The following CCDC73 variants were observed in gnomAD, a reference collection of about 807,000 sequenced individuals.
CCDC73 encodes coiled-coil domain-containing protein 73.
A neutral mutation model predicts 116.5 loss-of-function variants in CCDC73; 95 were observed. That is an observed-to-expected ratio of 0.82 (90% CI 0.69 to 0.97). The LOEUF is 0.97. Ranked by LOEUF, CCDC73 falls within the 50% of genes least tolerant of loss-of-function variation. The probability of loss-of-function intolerance (pLI) is 0.00; values close to 1 mark genes in which losing one functional copy is unlikely to be tolerated. For synonymous variants in CCDC73, 398 were observed against 401.3 expected, an observed-to-expected ratio of 0.99 and a Z score of 0.10; for missense variants, 1,066 against 1,206.8, an observed-to-expected ratio of 0.88 and a Z score of 1.73.
chr11:32,741,125 G>A (rs1269854075), intron 2 of CCDC73, among the ~76,000 whole-genome samples: 1 of 152,094 alleles, frequency 6.6e-6, no homozygotes, highest in Admixed American at 6.6e-5. Flanking sequence ...CATGTGCTGA[G>A]GAGAATAATT....
At chr11:32,747,896 G>T (rs35020878) in intron 2 of CCDC73, among the ~76,000 whole-genome samples, 1 of 152,134 alleles carries the variant, frequency 6.6e-6, no homozygotes, top group Non-Finnish European at 1.5e-5. Flanking sequence ...GACCTCTTGC[G>T]CTTCCTGGGT....
intron 6 of CCDC73, among the ~76,000 whole-genome samples, chr11:32,694,462 G>T (rs1186285702): frequency 1.3e-5 from 2 of 152,030 alleles, no homozygotes; most frequent in Admixed American, 1.3e-4. Context: ...CCTTCCTGGG[G>T]GAGGAATAGC....
Position 32,683,732 on chromosome 11 carries a change from A to G in CCDC73, c.391-158T>C, listed in dbSNP as rs535165791. On this transcript the variant is annotated intron_variant, in intron 6 of 17. Transcript: ENST00000335185. ...ATTTATGGCACCTACTATATGCTAG[A>G]TACTTTCCTAGACTCCTGGAATATA... Among the ~76,000 whole-genome samples, 5 of 152,308 alleles carry G rather than the reference A, an allele frequency of 3.3e-5. No individual in the cohort carries two copies. The South Asian group carries it at 1.0e-3, about 32-fold the overall frequency.
intron 14 of CCDC73, among the ~76,000 whole-genome samples, chr11:32,625,664 G>A (rs1855564781): frequency 6.6e-6 from 1 of 152,156 alleles, no homozygotes; most frequent in Non-Finnish European, 1.5e-5. Context: ...GGGATGCAAG[G>A]CTGGTTCAAC....
At chr11:32,790,967 A>AT (rs1041069412) in intron 1 of CCDC73, among the ~76,000 whole-genome samples, 16 of 152,126 alleles carry the variant, frequency 1.1e-4, no homozygotes, top group Non-Finnish European at 1.8e-4. Flanking sequence ...CTAAACTCCA[A>AT]TTTTTTTCAA....
intron 3 of CCDC73, among the ~76,000 whole-genome samples, chr11:32,716,219 G>T (rs962433906): frequency 6.6e-6 from 1 of 152,084 alleles, no homozygotes; most frequent in African/African-American, 2.4e-5. Context: ...CTAAAAGTTG[G>T]TAAAGGTAGG....
rs1486521073 is a variant in CCDC73, at chr11:32,614,182, A to G, written c.2136T>C (p.Tyr712=). ...CDIVIDHHVS[Y]AAFSANSKLL... is the part of the protein sequence containing the mutation. The stretch of plus-strand genomic sequence containing the variant: ...GTTTTGAATTAGCACTAAAAGCAGC[A>G]TATGAAACATGGTGGTCGATTACTA... The change falls in exon 16 of 18, where the codon TAT becomes TAC. Residue 712 remains tyrosine, a synonymous_variant. Coordinates refer to ENST00000335185, the MANE Select transcript of CCDC73 (RefSeq NM_001008391.4). 2.5e-6 allele frequency: 4 copies of G among 1,613,972 alleles called. No homozygotes were observed. The South Asian group carries it at 4.4e-5, about 18-fold the overall frequency.
chr11:32,740,140 TTTTC>T (rs143283621), intron 2 of CCDC73, among the ~76,000 whole-genome samples: 44,652 of 151,660 alleles, frequency 0.29, 6,695 homozygotes, highest in South Asian at 0.35. Flanking sequence ...GTAGTTTTCT[TTTTC>T]TTTCTTTTTT....
At chr11:32,709,132 A>G (rs2133323353) in intron 3 of CCDC73, among the ~76,000 whole-genome samples, 1 of 152,266 alleles carries the variant, frequency 6.6e-6, no homozygotes, top group African/African-American at 2.4e-5. Flanking sequence ...GATTTTGCCA[A>G]ATACTTTTTC....
At chr11:32,773,589 G>A (rs747485651) in intron 1 of CCDC73, among the ~76,000 whole-genome samples, 3 of 151,934 alleles carry the variant, frequency 2.0e-5, no homozygotes, top group Non-Finnish European at 4.4e-5. Flanking sequence ...AGACAAGCCT[G>A]GGAAATACAG....
rs542343182 is a variant in CCDC73, at chr11:32,753,590, G to A, written c.135+6519C>T. Among the ~76,000 whole-genome samples, 7 of 151,950 alleles carry A rather than the reference G, an allele frequency of 4.6e-5. No homozygotes were observed. In the South Asian group the frequency reaches 6.2e-4, roughly 14 times the overall value. On this transcript the variant is annotated intron_variant, in intron 2 of 17. Transcript: ENST00000335185. Reference sequence around the variant, plus strand: ...AGTGATTCTTCTGCCTCAGCCTCCCGAGTAGCTGGGATTACAAGCACCCAT... The same window carrying A: ...AGTGATTCTTCTGCCTCAGCCTCCCAAGTAGCTGGGATTACAAGCACCCAT...
intron 9 of CCDC73, among the ~76,000 whole-genome samples, chr11:32,655,472 G>A (rs1295976877): frequency 6.6e-6 from 1 of 152,176 alleles, no homozygotes; most frequent in Non-Finnish European, 1.5e-5. Flanking sequence ...AATTTGCAAA[G>A]AAGACAACAA....
intron 13 of CCDC73, among the ~76,000 whole-genome samples, chr11:32,637,694 G>A (rs1158934476): frequency 1.3e-5 from 2 of 151,698 alleles, no homozygotes; most frequent in East Asian, 3.9e-4. Flanking sequence ...TTTTCCCAAG[G>A]TTCTTTCTTC....
chr11:32,682,539 C>G (rs1856156355), intron 7 of CCDC73: 1 of 151,764 alleles, frequency 6.6e-6, no homozygotes. Context: ...GGTGATAGTT[C>G]ATTTCTTACT....
intron 3 of CCDC73, among the ~76,000 whole-genome samples, chr11:32,707,156 A>G (rs1849862774): frequency 6.6e-6 from 1 of 152,158 alleles, no homozygotes; most frequent in Admixed American, 6.5e-5. Context: ...CCAAAGGCCT[A>G]ATAGAGAAAA....
At chr11:32,706,679 A>T (rs1246471834) in intron 3 of CCDC73, among the ~76,000 whole-genome samples, 1 of 152,118 alleles carries the variant, frequency 6.6e-6, no homozygotes, top group Non-Finnish European at 1.5e-5. Flanking sequence ...TAAATATTAA[A>T]AGTAACCTCT....
chr11:32,692,227 T>C (rs954700230), intron 6 of CCDC73, among the ~76,000 whole-genome samples: 2 of 152,148 alleles, frequency 1.3e-5, no homozygotes, highest in African/African-American at 4.8e-5. Flanking sequence ...GATATCTAGC[T>C]GTTCCTGCAC....
chr11:32,825,080 G>A, the CCDC73 span, among the ~76,000 whole-genome samples: 1 of 152,122 alleles, frequency 6.6e-6, no homozygotes, highest in Non-Finnish European at 1.5e-5. Flanking sequence ...GTGAGACCCT[G>A]TCTCCAGAAA....
In CCDC73 at chr11:32,718,092, T is replaced by A. The variant is rs755673755; in HGVS notation, c.191A>T (p.Glu64Val). 1 of 1,607,350 alleles carries A rather than the reference T, an allele frequency of 6.2e-7. No individual in the cohort carries two copies. The highest frequency in any genetic ancestry group is 2.2e-5 in the East Asian group (1 of 44,692). Residue 64 changes from glutamate to valine, a missense_variant, in exon 3 of 18, where the codon GAA becomes GTA. Glu to Val is a moderately radical substitution (Grantham distance 121, BLOSUM62 -2). Coordinates refer to ENST00000335185, the MANE Select transcript of CCDC73 (RefSeq NM_001008391.4). ...QIGKIIVETQ[E>V]LKWQKETLQN... Reference sequence around the variant, plus strand: ...ATTACTCACCTTTTGCCATTTAAGTTCCTGTGTCTCCACAATAATTTTACC... The same window carrying A: ...ATTACTCACCTTTTGCCATTTAAGTACCTGTGTCTCCACAATAATTTTACC...
Sources: allele counts gnomAD v4.1 joint callset (sites outside exome capture counted in the v4.1 genomes callset), GRCh38; gene constraint gnomAD v4.1.1; transcripts MANE v1.5; gene names NCBI Gene and HGNC (gene_info 2026-07-23, HGNC 2026-07-21).